PDXDC1: variants seen among roughly 807,000 people sequenced by gnomAD.
The protein encoded by PDXDC1 is pyridoxal dependent decarboxylase domain containing 1, also known as pyridoxal-dependent decarboxylase domain-containing protein 1.
PDXDC1 carries 42 observed loss-of-function variants against 100.1 expected under a neutral mutation model. The ratio of observed to expected loss-of-function variants is 0.42; its 90% CI spans 0.33 to 0.54. PDXDC1 has a LOEUF of 0.54. Ranked by LOEUF, PDXDC1 falls within the 20% of genes least tolerant of loss-of-function variation. The pLI is 0.10. For missense variants in PDXDC1, 636 were observed against 979.2 expected, an observed-to-expected ratio of 0.65 and a Z score of 4.68; for synonymous variants, 260 against 371.7, an observed-to-expected ratio of 0.70 and a Z score of 3.46.
intron 13 of PDXDC1, among the ~76,000 whole-genome samples, chr16:15,024,150 C>T (rs1348881815): frequency 2.0e-5 from 3 of 152,262 alleles, no homozygotes; most frequent in Non-Finnish European, 4.4e-5. Context: ...AGGCAGAAAG[C>T]CTGCTCTGTC....
intron 6 of PDXDC1, among the ~76,000 whole-genome samples, chr16:15,008,411 G>A (rs568338860): frequency 6.6e-6 from 1 of 152,402 alleles, no homozygotes; most frequent in African/African-American, 2.4e-5. Flanking sequence ...TTTAGCTGGT[G>A]TTATTTACCA....
At chr16:15,021,592 A>C (rs1385712624) in intron 12 of PDXDC1, among the ~76,000 whole-genome samples, 15 of 152,270 alleles carry the variant, frequency 9.9e-5, no homozygotes, top group African/African-American at 3.6e-4. Context: ...GAATGATGCC[A>C]TTAACTACCA....
At chr16:15,125,763 C>T (rs1379493868) in intron 16 of PDXDC1, 5 of 1,520,234 alleles carry the variant, frequency 3.3e-6, no homozygotes, top group Non-Finnish European at 4.5e-6. Context: ...TGTCGATGTC[C>T]AGCACCTGCT....
At chr16:14,984,497 T>TATATATATATATA (rs1221650484) in intron 1 of PDXDC1, among the ~76,000 whole-genome samples, 8 of 36,964 alleles carry the variant, frequency 2.2e-4, no homozygotes, top group Admixed American at 4.0e-4. Context: ...ATATATATAT[T>TATATATATATATA]TTTTTTTTTT....
intron 16 of PDXDC1, chr16:15,131,328 C>G (rs1432987405): frequency 2.6e-6 from 4 of 1,565,994 alleles, no homozygotes; most frequent in South Asian, 1.1e-5. Flanking sequence ...TCGAGGCCAC[C>G]TTGGTGGAGA....
At chr16:15,089,799 A>AC (rs1320549694) in intron 16 of PDXDC1, among the ~76,000 whole-genome samples, 2 of 150,320 alleles carry the variant, frequency 1.3e-5, no homozygotes, top group Non-Finnish European at 3.0e-5. Context: ...AAAAAAAAAA[A>AC]AAAAAAAAAA....
At chr16:15,086,588 C>G in intron 16 of PDXDC1, 8 of 1,338,568 alleles carry the variant, frequency 6.0e-6, no homozygotes, top group Non-Finnish European at 8.1e-6. Flanking sequence ...GAACTCAAAA[C>G]TGGGTATTAA....
chr16:15,055,733 TC>T (rs2044483838), intron 16 of PDXDC1: 1 of 394,284 alleles, frequency 2.5e-6, no homozygotes, highest in Non-Finnish European at 4.4e-6. Context: ...AGGCAAAAAC[TC>T]CCCGACCCCT....
chr16:15,128,970 T>A (rs2047909856), intron 16 of PDXDC1, among the ~76,000 whole-genome samples: 1 of 150,214 alleles, frequency 6.7e-6, no homozygotes, highest in African/African-American at 2.4e-5. Flanking sequence ...CACGCCGGCC[T>A]AATTTTTTTG....
intron 21 of PDXDC1, among the ~76,000 whole-genome samples, chr16:15,035,025 G>A (rs1474475785): frequency 6.6e-6 from 1 of 152,204 alleles, no homozygotes; most frequent in African/African-American, 2.4e-5. Flanking sequence ...TTAACAGTCC[G>A]TGACTCCTTT....
At chr16:15,128,684 T>G (rs1386512793) in intron 16 of PDXDC1, among the ~76,000 whole-genome samples, 1 of 151,878 alleles carries the variant, frequency 6.6e-6, no homozygotes, top group Non-Finnish European at 1.5e-5. Context: ...TGCACACCTG[T>G]CCACGCCTCA....
At chr16:15,149,839 G>A in the PDXDC1 span, among the ~76,000 whole-genome samples, 1 of 152,032 alleles carries the variant, frequency 6.6e-6, no homozygotes. Context: ...TCTACACCTA[G>A]GTCACTGCCA....
intron 16 of PDXDC1, chr16:15,135,339 A>C (rs2048298506): frequency 1.9e-5 from 29 of 1,537,156 alleles, no homozygotes; most frequent in Non-Finnish European, 2.4e-5. Flanking sequence ...CTGAAGGTGT[A>C]CTCCACGCCA....
At chr16:14,995,912 T>C (rs1971859231) in intron 1 of PDXDC1, among the ~76,000 whole-genome samples, 1 of 152,302 alleles carries the variant, frequency 6.6e-6, no homozygotes, top group South Asian at 2.1e-4. Context: ...CTTCTAGATT[T>C]TCTAGTGTAT....
chr16:15,075,577 TAAAAAAGAA>T (rs1035310055), intron 16 of PDXDC1, among the ~76,000 whole-genome samples: 1 of 101,162 alleles, frequency 9.9e-6, no homozygotes, highest in Non-Finnish European at 2.4e-5. Flanking sequence ...TGTCTCAAAT[TAAAAAAGAA>T]AGAAAAGAAA....
chr16:15,008,900 C>T (rs1368754619), intron 7 of PDXDC1, 53 bp downstream of exon 7: 1 of 1,549,100 alleles, frequency 6.5e-7, no homozygotes, highest in South Asian at 1.1e-5. Context: ...TTTGAAACTG[C>T]CTTTCAAATG....
chr16:15,044,343 G>T, intron 16 of PDXDC1: 1 of 1,606,244 alleles, frequency 6.2e-7, no homozygotes, highest in Non-Finnish European at 8.5e-7. Flanking sequence ...CTAAGAAGTT[G>T]ATGAGTGAGT....
intron 16 of PDXDC1, chr16:15,130,887 C>T (rs2048019824): frequency 1.4e-6 from 1 of 724,792 alleles, no homozygotes; most frequent in African/African-American, 1.7e-5. Flanking sequence ...CTGCCACGGG[C>T]CTGAAAGGCC....
rs544106290 is a variant in PDXDC1 at position 15,134,919 on chromosome 16, C to T, written c.1400-3960C>T. 34 of 368,258 alleles carry T rather than the reference C, an allele frequency of 9.2e-5. 1 individual carries two copies. The highest frequency in any genetic ancestry group is 5.7e-4 in the South Asian group (25 of 43,732). The allele number at this position is 368,258 out of a possible 1,614,324, so 22.8% of individuals were successfully genotyped here. A position where few individuals can be genotyped will look rare whatever the true frequency, so the allele number is the denominator to read the frequency against. On this transcript the variant is annotated intron_variant, in intron 16 of 16. Transcript: ENST00000535621. ...GGCTCAGGGTCACCAAGCCTCCTGG[C>T]CGGTCCAGAGTGGGGAGCGTGAGGG...
Sources: gnomAD v4.1 joint callset for allele counts (sites outside exome capture counted in the v4.1 genomes callset) on GRCh38, gnomAD v4.1.1 for gene constraint, MANE v1.5 for transcripts, NCBI Gene and HGNC (gene_info 2026-07-23, HGNC 2026-07-21) for gene names.